The following RAB3GAP1 variants were observed in gnomAD, a reference collection of about 807,000 sequenced individuals.
The protein encoded by RAB3GAP1 is RAB3 GTPase activating protein catalytic subunit 1, also known as rab3 GTPase-activating protein catalytic subunit.
RAB3GAP1 carries 86 observed loss-of-function variants against 130.7 expected under a neutral mutation model. That is an observed-to-expected ratio of 0.66 (90% CI 0.55 to 0.79). The LOEUF (loss-of-function observed/expected upper bound fraction) is 0.79. Ranked by LOEUF, RAB3GAP1 falls within the 30% of genes least tolerant of loss-of-function variation. The pLI is 0.00. For missense variants in RAB3GAP1, 1,029 were observed against 1,169.4 expected, an observed-to-expected ratio of 0.88 and a Z score of 1.75; for synonymous variants, 367 against 401.7, an observed-to-expected ratio of 0.91 and a Z score of 1.03.
chr2:135,142,445 A>G (rs1691869479), intron 17 of RAB3GAP1, among the ~76,000 whole-genome samples: 1 of 152,200 alleles, frequency 6.6e-6, no homozygotes, highest in African/African-American at 2.4e-5. Context: ...TTTTCTACAT[A>G]CACAATCATG....
chr2:135,154,281 G>A (rs1264947511), intron 19 of RAB3GAP1, among the ~76,000 whole-genome samples: 1 of 152,094 alleles, frequency 6.6e-6, no homozygotes, highest in Non-Finnish European at 1.5e-5. Context: ...CAACAACAGG[G>A]ACTTGGTTCA....
intron 3 of RAB3GAP1, among the ~76,000 whole-genome samples, chr2:135,090,504 T>C (rs1173655444): frequency 6.6e-6 from 1 of 152,192 alleles, no homozygotes; most frequent in African/African-American, 2.4e-5. Context: ...AGTAAGGAGC[T>C]CTTTGGAACT....
At position 135,112,020 on chromosome 2, in the gene RAB3GAP1, G is replaced by C. The variant is rs80166870; in HGVS notation, c.363-1131G>C. ...AATAGACTGTAAACCTTGCCTAAAG[G>C]AGGCATCCAGCTCTGAGCAGACCAC... On this transcript the variant is annotated intron_variant, in intron 5 of 23. Coordinates refer to ENST00000264158, the MANE Select transcript of RAB3GAP1 (RefSeq NM_012233.3). Among the ~76,000 whole-genome samples, 1,492 of 152,156 alleles carry C rather than the reference G, an allele frequency of 9.8e-3. 23 individuals carry two copies. Among genetic ancestry groups the C allele is most frequent in the African/African-American group, 0.034 (1,423 of 41,514 alleles).
At chr2:135,151,546 A>T (rs1013188393) in intron 18 of RAB3GAP1, among the ~76,000 whole-genome samples, 1 of 152,240 alleles carries the variant, frequency 6.6e-6, no homozygotes, top group Admixed American at 6.5e-5. Flanking sequence ...AATGAAAAAC[A>T]TCTTTAGTGA....
At chr2:135,110,583 T>G (rs1194317051) in intron 5 of RAB3GAP1, among the ~76,000 whole-genome samples, 1 of 152,206 alleles carries the variant, frequency 6.6e-6, no homozygotes, top group Non-Finnish European at 1.5e-5. Context: ...CAGTTTGGCT[T>G]GTTATTCATG....
intron 2 of RAB3GAP1, among the ~76,000 whole-genome samples, chr2:135,055,488 G>A (rs1206301588): frequency 6.6e-6 from 1 of 152,016 alleles, no homozygotes; most frequent in Non-Finnish European, 1.5e-5. Flanking sequence ...GAGGAGCTGG[G>A]GCAGCATGGC....
At chr2:135,058,319 A>G (rs940292201) in intron 3 of RAB3GAP1, 1 of 313,874 alleles carries the variant, frequency 3.2e-6, no homozygotes, top group Non-Finnish European at 5.7e-6. Context: ...GTATATATAT[A>G]TATATAAAAT....
At chr2:135,081,327 A>AAAAAAAAAAAATAT (rs1363481112) in intron 3 of RAB3GAP1, among the ~76,000 whole-genome samples, 1 of 64,068 alleles carries the variant, frequency 1.6e-5, no homozygotes. Context: ...AAAAAAAAAA[A>AAAAAAAAAAAATAT]ATATATATAT....
chr2:135,136,626 A>G (rs1375100619), intron 17 of RAB3GAP1: 6 of 889,544 alleles, frequency 6.7e-6, no homozygotes, highest in Non-Finnish European at 9.3e-6. Flanking sequence ...AGAAAATCCA[A>G]CTGCACTTAT....
intron 3 of RAB3GAP1, among the ~76,000 whole-genome samples, chr2:135,061,022 T>TA (rs1689156538): frequency 2.0e-5 from 3 of 149,798 alleles, no homozygotes; most frequent in Middle Eastern, 6.8e-3. Flanking sequence ...TTTTTTTTTT[T>TA]AAATAAACAT....
In RAB3GAP1 at chr2:135,057,993, T is replaced by A; in HGVS notation, c.75-18T>A. ...AAGGTGTGCTGTTGTATTTAGAAGC[T>A]TTCTCCCTACTTCCTAGGTTTATTT... On this transcript the variant is annotated intron_variant, in intron 2 of 23. Coordinates refer to ENST00000264158, the MANE Select transcript of RAB3GAP1 (RefSeq NM_012233.3). 1 of 1,569,704 alleles carries A rather than the reference T, an allele frequency of 6.4e-7. No individual in the cohort carries two copies. The highest frequency in any genetic ancestry group is 2.2e-5 in the East Asian group (1 of 44,540).
At chr2:135,174,767 A>G (rs1488411772), downstream of RAB3GAP1, among the ~76,000 whole-genome samples, 1 of 152,254 alleles carries the variant, frequency 6.6e-6, no homozygotes, top group Admixed American at 6.5e-5. Context: ...AAATATTTTT[A>G]GAGTGTGAAT....
intron 5 of RAB3GAP1, among the ~76,000 whole-genome samples, chr2:135,112,210 G>A (rs1449280579): frequency 2.0e-5 from 3 of 152,138 alleles, no homozygotes; most frequent in Non-Finnish European, 2.9e-5. Flanking sequence ...ATATGATGAT[G>A]AAACCTACAG....
chr2:135,080,590 A>G (rs1414155190), intron 3 of RAB3GAP1, among the ~76,000 whole-genome samples: 1 of 152,232 alleles, frequency 6.6e-6, no homozygotes, highest in Non-Finnish European at 1.5e-5. Context: ...AATGTACCTT[A>G]TGCCTACGTG....
intron 5 of RAB3GAP1, among the ~76,000 whole-genome samples, chr2:135,112,347 G>A (rs991961939): frequency 3.3e-5 from 5 of 152,214 alleles, no homozygotes; most frequent in African/African-American, 9.7e-5. Context: ...TTAGTTAAGG[G>A]TTCAAAGGCA....
intron 7 of RAB3GAP1, among the ~76,000 whole-genome samples, chr2:135,115,755 G>A (rs1033096678): frequency 6.6e-6 from 1 of 152,156 alleles, no homozygotes; most frequent in African/African-American, 2.4e-5. Flanking sequence ...AGCTCCTTAA[G>A]GTCTAAACAC....
At chr2:135,072,342 G>A (rs180974538) in intron 3 of RAB3GAP1, among the ~76,000 whole-genome samples, 6 of 152,166 alleles carry the variant, frequency 3.9e-5, no homozygotes, top group African/African-American at 1.4e-4. Flanking sequence ...CTTATATCCC[G>A]TTTGCAGTAT....
rs1214688390 is a variant in RAB3GAP1, at chr2:135,081,327, AAT to A, written c.151-9637_151-9636del. On this transcript the variant is annotated intron_variant, in intron 3 of 23. Transcript: ENST00000264158. ...GTCTCAAAAAAAAAAAAAAAAAAAA[AAT>A]ATATATATATATATATATATATATA... Among the ~76,000 whole-genome samples, 534 of 63,964 alleles carry A rather than the reference AAT, an allele frequency of 8.3e-3. 2 individuals are homozygous for A. The highest frequency in any genetic ancestry group is 0.011 in the Non-Finnish European group (461 of 42,480). 42.0% of individuals were successfully genotyped at this position (63,964 alleles called of 152,430 possible).
At chr2:135,084,400 C>G (rs547261263) in intron 3 of RAB3GAP1, among the ~76,000 whole-genome samples, 2 of 152,260 alleles carry the variant, frequency 1.3e-5, no homozygotes, top group South Asian at 4.1e-4. Flanking sequence ...GTGAGTCATC[C>G]TTTTACTTTC....
Sources: allele counts gnomAD v4.1 joint callset (sites outside exome capture counted in the v4.1 genomes callset), GRCh38; gene constraint gnomAD v4.1.1; transcripts MANE v1.5; gene names NCBI Gene and HGNC (gene_info 2026-07-23, HGNC 2026-07-21).